The following ZBTB7C variants were observed in gnomAD, a reference collection of about 807,000 sequenced individuals.
ZBTB7C encodes the protein zinc finger and BTB domain-containing protein 7C.
A neutral mutation model predicts 25.7 loss-of-function variants in ZBTB7C; 8 were observed. The observed-to-expected ratio is 0.31, with a 90% confidence interval of 0.18 to 0.56. The LOEUF (loss-of-function observed/expected upper bound fraction) is 0.56, where lower values mean the gene tolerates loss of function less well. Among genes scored for constraint, ZBTB7C ranks in the 20% least tolerant of loss-of-function variants. The pLI, the probability that ZBTB7C is intolerant of heterozygous loss-of-function variation, is 0.91. For missense variants in ZBTB7C, 824 were observed against 855.2 expected, an observed-to-expected ratio of 0.96 and a Z score of 0.46; for synonymous variants, 394 against 369.0, an observed-to-expected ratio of 1.07 and a Z score of -0.78.
intron 2 of ZBTB7C, among the ~76,000 whole-genome samples, chr18:48,293,957 T>C (rs1257665343): frequency 2.6e-5 from 4 of 152,156 alleles, no homozygotes; most frequent in Admixed American, 6.5e-5. Flanking sequence ...AACAATGAAA[T>C]GAACAAGCTG....
At chr18:48,152,166 A>G (rs1240653392) in intron 3 of ZBTB7C, among the ~76,000 whole-genome samples, 2 of 152,176 alleles carry the variant, frequency 1.3e-5, no homozygotes, top group Non-Finnish European at 2.9e-5. Context: ...TCTGGCTTCC[A>G]CAGGGTCCTT....
intron 2 of ZBTB7C, among the ~76,000 whole-genome samples, chr18:48,189,903 G>A (rs1289348600): frequency 6.6e-6 from 1 of 152,218 alleles, no homozygotes; most frequent in Non-Finnish European, 1.5e-5. Flanking sequence ...AGTGCTGTCT[G>A]TCAAGGGCTG....
intron 2 of ZBTB7C, among the ~76,000 whole-genome samples, chr18:48,197,985 C>A (rs2042355099): frequency 6.6e-6 from 1 of 152,100 alleles, no homozygotes; most frequent in Non-Finnish European, 1.5e-5. Context: ...CTGATACCAT[C>A]ATTTTTAGTG....
At chr18:48,249,315 C>A (rs1037912436) in intron 2 of ZBTB7C, among the ~76,000 whole-genome samples, 5 of 152,196 alleles carry the variant, frequency 3.3e-5, no homozygotes, top group Non-Finnish European at 5.9e-5. Context: ...CAAGAAGATG[C>A]TCACTGTAGT....
At chr18:48,275,643 G>GTGCATGTAA (rs138667619) in intron 2 of ZBTB7C, among the ~76,000 whole-genome samples, 2,147 of 152,308 alleles carry the variant, frequency 0.014, 23 homozygotes, top group South Asian at 0.055. Context: ...GAGAAACAAT[G>GTGCATGTAA]TGCATGTAAT....
intron 2 of ZBTB7C, among the ~76,000 whole-genome samples, chr18:48,200,532 C>T (rs2042415536): frequency 6.6e-6 from 1 of 152,154 alleles, no homozygotes; most frequent in South Asian, 2.1e-4. Context: ...AATCAAGACC[C>T]AGAGGCCAGT....
intron 4 of ZBTB7C, among the ~76,000 whole-genome samples, chr18:48,032,428 T>G (rs1024948382): frequency 1.8e-5 from 2 of 111,232 alleles, no homozygotes; most frequent in African/African-American, 7.9e-5. Context: ...GTAGGTTTTT[T>G]TTTTTTTTTT....
chr18:48,404,968 T>C (rs1386626540), intron 1 of ZBTB7C, among the ~76,000 whole-genome samples: 1 of 152,168 alleles, frequency 6.6e-6, no homozygotes, highest in Non-Finnish European at 1.5e-5. Flanking sequence ...GACCTCTCCA[T>C]CCACAGCCTC....
intron 1 of ZBTB7C, among the ~76,000 whole-genome samples, chr18:48,371,020 C>T (rs1306436710): frequency 1.3e-5 from 2 of 152,154 alleles, no homozygotes; most frequent in Admixed American, 6.5e-5. Flanking sequence ...GGACACGAAG[C>T]CCCTGAAAGT....
At chr18:48,359,973 T>A (rs991303034) in intron 1 of ZBTB7C, among the ~76,000 whole-genome samples, 4 of 152,272 alleles carry the variant, frequency 2.6e-5, no homozygotes, top group Non-Finnish European at 5.9e-5. Flanking sequence ...TCTGGTTGCT[T>A]CCATAGGCCC....
intron 2 of ZBTB7C, among the ~76,000 whole-genome samples, chr18:48,326,090 A>T (rs2046212207): frequency 7.1e-6 from 1 of 141,722 alleles, no homozygotes; most frequent in South Asian, 2.3e-4. Context: ...ATACTCTACC[A>T]ACATCTTTTT....
At chr18:48,077,536 G>C (rs1369881960) in intron 3 of ZBTB7C, among the ~76,000 whole-genome samples, 1 of 152,202 alleles carries the variant, frequency 6.6e-6, no homozygotes, top group Admixed American at 6.5e-5. Flanking sequence ...GCCTGGCATG[G>C]AGCAGCTGCT....
At chr18:48,193,372 T>G (rs2042243499) in intron 2 of ZBTB7C, among the ~76,000 whole-genome samples, 1 of 152,118 alleles carries the variant, frequency 6.6e-6, no homozygotes, top group African/African-American at 2.4e-5. Context: ...CTGCCCAGCC[T>G]TTTCCTATTC....
At chr18:48,055,674 G>A (rs892981519) in intron 3 of ZBTB7C, among the ~76,000 whole-genome samples, 1 of 152,080 alleles carries the variant, frequency 6.6e-6, no homozygotes, top group African/African-American at 2.4e-5. Context: ...CCAGCCACAG[G>A]AGCCCAGCAC....
At chr18:48,084,350 T>C (rs1267438995) in intron 3 of ZBTB7C, among the ~76,000 whole-genome samples, 2 of 152,186 alleles carry the variant, frequency 1.3e-5, no homozygotes, top group African/African-American at 4.8e-5. Flanking sequence ...CTCTTCGCCC[T>C]GTTGTTTTGA....
intron 2 of ZBTB7C, among the ~76,000 whole-genome samples, chr18:48,198,449 G>A (rs772513622): frequency 2.6e-5 from 4 of 152,114 alleles, no homozygotes; most frequent in Non-Finnish European, 5.9e-5. Flanking sequence ...GTTGGGAATG[G>A]GTCTCAGCGT....
intron 3 of ZBTB7C, among the ~76,000 whole-genome samples, chr18:48,110,062 A>G (rs900072291): frequency 6.6e-6 from 1 of 151,382 alleles, no homozygotes; most frequent in South Asian, 2.1e-4. Flanking sequence ...CCTTACATTC[A>G]GCTCAGCATT....
chr18:48,111,791 C>T (rs988876550), intron 3 of ZBTB7C, among the ~76,000 whole-genome samples: 1 of 152,176 alleles, frequency 6.6e-6, no homozygotes, highest in South Asian at 2.1e-4. Flanking sequence ...GAAACTAAGG[C>T]ATAGCCAGCC....
chr18:48,127,446 T>G (rs1313827236), intron 3 of ZBTB7C, among the ~76,000 whole-genome samples: 1 of 152,224 alleles, frequency 6.6e-6, no homozygotes, highest in African/African-American at 2.4e-5. Flanking sequence ...CCTGGCTAAA[T>G]GGATGACAAC....
Sources: allele counts gnomAD v4.1 joint callset (sites outside exome capture counted in the v4.1 genomes callset), GRCh38; gene constraint gnomAD v4.1.1; transcripts MANE v1.5; gene names NCBI Gene and HGNC (gene_info 2026-07-23, HGNC 2026-07-21).